CDC14B: variants seen among roughly 807,000 people sequenced by gnomAD.
CDC14B encodes the protein cell division cycle 14B, also known as dual specificity protein phosphatase CDC14B.
Under a neutral mutation model 64.2 loss-of-function variants are expected in CDC14B, and 22 were observed. That is an observed-to-expected ratio of 0.34 (90% CI 0.24 to 0.49). The LOEUF is 0.49. Ranked by LOEUF, CDC14B falls within the 20% of genes least tolerant of loss-of-function variation. CDC14B has a pLI of 0.99. For missense variants in CDC14B, 498 were observed against 629.9 expected (o/e 0.79, Z 2.24); for synonymous variants, 191 against 215.8 (o/e 0.89, Z 1.01).
chr9:96,507,866 AT>A (rs904263333), intron 13 of CDC14B, among the ~76,000 whole-genome samples: 1 of 152,022 alleles, frequency 6.6e-6, no homozygotes, highest in African/African-American at 2.4e-5. Flanking sequence ...ATCATAGCAT[AT>A]TTTTCCTGTC....
intron 5 of CDC14B, among the ~76,000 whole-genome samples, chr9:96,550,907 G>A (rs2132041008): frequency 6.6e-6 from 1 of 152,226 alleles, no homozygotes; most frequent in East Asian, 1.9e-4. Flanking sequence ...TGGTTTTTCT[G>A]GAAGTGGTAC....
chr9:96,600,696 T>A (rs2118816048), intron 1 of CDC14B, among the ~76,000 whole-genome samples: 1 of 151,876 alleles, frequency 6.6e-6, no homozygotes, highest in African/African-American at 2.4e-5. Flanking sequence ...AGAGACAGAG[T>A]TTTACCATAT....
At chr9:96,569,727 C>T (rs1300574373) in intron 1 of CDC14B, among the ~76,000 whole-genome samples, 1 of 151,946 alleles carries the variant, frequency 6.6e-6, no homozygotes, top group Non-Finnish European at 1.5e-5. Context: ...CAGGCTCAAG[C>T]GATTCTCCTG....
chr9:96,511,226 C>T (rs1302259605), intron 12 of CDC14B, among the ~76,000 whole-genome samples: 1 of 152,128 alleles, frequency 6.6e-6, no homozygotes, highest in Non-Finnish European at 1.5e-5. Context: ...TAGCATGACC[C>T]AAACCAAAGC....
intron 5 of CDC14B, 117 bp downstream of exon 5, chr9:96,551,679 A>T: frequency 7.2e-7 from 1 of 1,394,944 alleles, no homozygotes; most frequent in Non-Finnish European, 9.7e-7. Context: ...CTGTGGTGTT[A>T]TTTGCGCTCA....
chr9:96,601,836 G>A (rs1468213541), intron 1 of CDC14B, among the ~76,000 whole-genome samples: 1 of 139,756 alleles, frequency 7.2e-6, no homozygotes, highest in Non-Finnish European at 1.5e-5. Context: ...GAGGTGGGCT[G>A]ATCACAAGGT....
rs11414625 is a variant in CDC14B, at chr9:96,594,714, CAAAAAAAAA to C, written c.160+24496_160+24504del. The stretch of plus-strand genomic sequence containing the variant: ...CCTGGGCAACAGAGCAAGGCTGTCT[CAAAAAAAAA>C]AAAAAAAAAAAAAAAGCCCAGGAGA... On this transcript the variant is annotated intron_variant, in intron 1 of 13. Transcript: ENST00000375241. Among the ~76,000 whole-genome samples, 18 of 42,432 alleles carry C rather than the reference CAAAAAAAAA, an allele frequency of 4.2e-4. No individual in the cohort carries two copies. The Admixed American group carries it at 4.5e-3, about 11-fold the overall frequency. The allele number at this position is 42,432 out of a possible 152,430, so 27.8% of individuals were successfully genotyped here.
chr9:96,579,759 A>G (rs1845030206), intron 1 of CDC14B, among the ~76,000 whole-genome samples: 1 of 152,160 alleles, frequency 6.6e-6, no homozygotes, highest in African/African-American at 2.4e-5. Context: ...CAGAATTGTA[A>G]CAAAATACAT....
intron 1 of CDC14B, among the ~76,000 whole-genome samples, chr9:96,593,342 C>T (rs1845889155): frequency 6.6e-6 from 1 of 152,042 alleles, no homozygotes; most frequent in African/African-American, 2.4e-5. Context: ...CAAAAATTAG[C>T]TGGGCGTAGT....
chr9:96,595,586 T>C (rs1846023422), intron 1 of CDC14B, among the ~76,000 whole-genome samples: 1 of 152,152 alleles, frequency 6.6e-6, no homozygotes, highest in Non-Finnish European at 1.5e-5. Context: ...CATCAACTGG[T>C]AAACAAAATA....
At position 96,619,280 on chromosome 9, in the gene CDC14B, G is replaced by C. The variant is rs771272479; in HGVS notation, c.99C>G (p.Ser33Arg). The C allele has an allele frequency of 6.6e-6, 9 of 1,355,580 alleles. No individual in the cohort carries two copies. The highest frequency in any genetic ancestry group is 8.6e-6 in the Non-Finnish European group (9 of 1,048,980). The allele number at this position is 1,355,580 out of a possible 1,614,324, so 84.0% of individuals were successfully genotyped here. The change falls in exon 1 of 14, where the codon AGC becomes AGG. Residue 33 changes from serine to arginine, a missense_variant. Transcript: ENST00000375241. Reference protein sequence around the residue: ...STSPGVKKIRSSTQQDPRRRD... With the variant: ...STSPGVKKIRRSTQQDPRRRD... ...GGCGGCGCGGGTCTTGCTGCGTGGA[G>C]CTGCGGATCTTCTTCACACCCGGCG...
intron 1 of CDC14B, among the ~76,000 whole-genome samples, chr9:96,601,810 A>ACAAAAACAAAAC (rs1215387891): frequency 6.7e-6 from 1 of 150,158 alleles, no homozygotes. Context: ...AAAAAAAAAA[A>ACAAAAACAAAAC]AAAAATTGGG....
intron 5 of CDC14B, among the ~76,000 whole-genome samples, chr9:96,545,955 TG>T: frequency 6.6e-6 from 1 of 152,354 alleles, no homozygotes; most frequent in South Asian, 2.1e-4. Flanking sequence ...ACAGCAACTC[TG>T]AGGCTCAGTT....
At chr9:96,547,934 T>C (rs1421346328) in intron 5 of CDC14B, among the ~76,000 whole-genome samples, 1 of 152,108 alleles carries the variant, frequency 6.6e-6, no homozygotes, top group Non-Finnish European at 1.5e-5. Flanking sequence ...CACAGCATTC[T>C]CCTGCCTCAG....
In CDC14B at chr9:96,548,814, AAG is replaced by A. The variant is rs941099280; in HGVS notation, c.497+2980_497+2981del. On this transcript the variant is annotated intron_variant, in intron 5 of 13. Coordinates refer to ENST00000375241, the MANE Select transcript of CDC14B (RefSeq NM_033331.4). ...AGAATCTGTCTTTAAAAAAAAAAAA[AAG>A]AGAGAGAGAGAATTCTATCTAAGTT... is the stretch of plus-strand genomic sequence containing the variant. Among the ~76,000 whole-genome samples, 9 of 152,046 alleles carry A rather than the reference AAG, an allele frequency of 5.9e-5. No homozygotes were observed. The South Asian group carries it at 1.9e-3, about 32-fold the overall frequency.
rs1238281543 is a variant in CDC14B at position 96,619,257 on chromosome 9, C to T, written c.122G>A (p.Arg41His). ...GTACACGTCGTCCTGGGGGTCCCGG[C>T]GGCGCGGGTCTTGCTGCGTGGAGCT... is the stretch of plus-strand genomic sequence containing the variant. ...IRSSTQQDPR[R>H]RDPQDDVYLD... The change falls in exon 1 of 14, where the codon CGC becomes CAC. Residue 41 changes from arginine to histidine, a missense_variant. By Grantham distance (29) the Arg-to-His change is conservative (BLOSUM62 0). Transcript: ENST00000375241. The T allele has an allele frequency of 4.4e-6, 6 of 1,359,406 alleles. No homozygotes were observed. The highest frequency in any genetic ancestry group is 5.5e-5 in the Admixed American group (2 of 36,168). The allele number at this position is 1,359,406 out of a possible 1,614,324, so 84.2% of individuals were successfully genotyped here. A position where few individuals can be genotyped will look rare whatever the true frequency, so the allele number is the denominator to read the frequency against.
At chr9:96,569,834 C>T (rs961918179) in intron 1 of CDC14B, among the ~76,000 whole-genome samples, 25 of 152,036 alleles carry the variant, frequency 1.6e-4, no homozygotes, top group Admixed American at 2.0e-4. Flanking sequence ...AGTGATCCAC[C>T]GCCTCGGCCT....
In CDC14B at chr9:96,503,460, C is replaced by G. The variant is rs16911004; in HGVS notation, c.*293G>C. 9 of 409,346 alleles carry G rather than the reference C, an allele frequency of 2.2e-5. No individual in the cohort carries two copies. Among genetic ancestry groups the G allele is most frequent in the Non-Finnish European group, 4.3e-6 (1 of 231,022 alleles). The allele number at this position is 409,346 out of a possible 1,614,324, so 25.4% of individuals were successfully genotyped here. A position where few individuals can be genotyped will look rare whatever the true frequency, so the allele number is the denominator to read the frequency against. The stretch of plus-strand genomic sequence containing the variant: ...CACAGGGACACACATGCACCACAGA[C>G]CAGCCAGCTCCCTGGGTACCAGAGG... On this transcript the variant is annotated 3_prime_UTR_variant, in exon 14 of 14. Transcript: ENST00000375241.
At chr9:96,606,527 TTGTGTGTGTGTGTGTG>T (rs376059971) in intron 1 of CDC14B, among the ~76,000 whole-genome samples, 1,892 of 112,850 alleles carry the variant, frequency 0.017, 22 homozygotes, top group African/African-American at 0.03. Context: ...TACTAAAAGT[TTGTGTGTGTGTGTGTG>T]TGTGTGTGTG....
Sources: allele counts gnomAD v4.1 joint callset (sites outside exome capture counted in the v4.1 genomes callset), GRCh38; gene constraint gnomAD v4.1.1; transcripts MANE v1.5; gene names NCBI Gene and HGNC (gene_info 2026-07-23, HGNC 2026-07-21).